The following MAT1A variants were observed in gnomAD, a reference collection of about 807,000 sequenced individuals.
The protein encoded by MAT1A is methionine adenosyltransferase 1A, also known as S-adenosylmethionine synthase isoform type-1.
Under a neutral mutation model 44.0 loss-of-function variants are expected in MAT1A, and 19 were observed. That is an observed-to-expected ratio of 0.43 (90% CI 0.30 to 0.63). The LOEUF is 0.63. Ranked by LOEUF, MAT1A falls within the 30% of genes least tolerant of loss-of-function variation. The pLI, the probability that MAT1A is intolerant of heterozygous loss-of-function variation, is 0.12. For synonymous variants in MAT1A, 205 were observed against 205.6 expected (o/e 1.00, Z 0.03); for missense variants, 397 against 531.0 (o/e 0.75, Z 2.48).
intron 5 of MAT1A, among the ~76,000 whole-genome samples, chr10:80,278,226 T>C (rs921099262): frequency 1.3e-5 from 2 of 152,206 alleles, no homozygotes; most frequent in Non-Finnish European, 2.9e-5. Context: ...AGACAATCCT[T>C]CAAAGGAAGG....
chr10:80,274,636 A>T lies in MAT1A; in HGVS notation c.969T>A (p.Gly323=). 1 of 1,614,172 alleles carries T rather than the reference A, an allele frequency of 6.2e-7. No individual in the cohort carries two copies. Among genetic ancestry groups the T allele is most frequent in the African/African-American group, 1.3e-5 (1 of 75,032 alleles). ...TGGAAATGGACAGCGGCTCGGCCAC[A>T]CCAATGGCATAGGAAACCTTCCAGC... ...RVLVQVSYAI[G]VAEPLSISIF... The change falls in exon 8 of 9, where the codon GGT becomes GGA. Residue 323 remains glycine (G), a synonymous_variant. Transcript: ENST00000372213.
intron 6 of MAT1A, among the ~76,000 whole-genome samples, chr10:80,276,109 T>C (rs766178939): frequency 7.9e-5 from 12 of 152,162 alleles, no homozygotes; most frequent in Non-Finnish European, 7.4e-5. Context: ...TCACTTGAGA[T>C]GGCAGGAGTG....
rs1413077353 is a variant in MAT1A at position 80,289,582 on chromosome 10, G to A, written c.-159C>T. On this transcript the variant is annotated 5_prime_UTR_variant, in exon 1 of 9. It adds an upstream start codon to the 5' untranslated region. Transcript: ENST00000372213. ...CTTCTGCCTAACTGCCTGTGAGCAC[G>A]TGAGAACAGGCGAGGACTGCTGAGA... 3 of 687,456 alleles carry A rather than the reference G, an allele frequency of 4.4e-6. No homozygotes were observed. Among genetic ancestry groups the A allele is most frequent in the East Asian group, 5.5e-5 (2 of 36,494 alleles). The allele number at this position is 687,456 out of a possible 1,614,324, so 42.6% of individuals were successfully genotyped here.
chr10:80,286,022 T>G (rs1301966335), intron 1 of MAT1A, among the ~76,000 whole-genome samples: 1 of 152,020 alleles, frequency 6.6e-6, no homozygotes, highest in Non-Finnish European at 1.5e-5. Flanking sequence ...AGAGATGGCG[T>G]TTCACCATGT....
rs1403545246 is a variant in MAT1A at position 80,273,274 on chromosome 10, C to G, written c.*507G>C. ...TCGCACATTACAGGTGCTTAGGAGA[C>G]ATCAGTCCTGCTCTAACCCCTGCCA... On this transcript the variant is annotated 3_prime_UTR_variant, in exon 9 of 9. Coordinates refer to ENST00000372213, the MANE Select transcript of MAT1A (RefSeq NM_000429.3). 4.9e-6 allele frequency: 1 copy of G among 204,988 alleles called. No individual in the cohort carries two copies. The highest frequency in any genetic ancestry group is 9.9e-6 in the Non-Finnish European group (1 of 100,680). 12.7% of individuals were successfully genotyped at this position (204,988 alleles called of 1,614,324 possible). A position where few individuals can be genotyped will look rare whatever the true frequency, so the allele number is the denominator to read the frequency against.
intron 3 of MAT1A, among the ~76,000 whole-genome samples, chr10:80,283,158 A>C (rs1223161923): frequency 6.6e-6 from 1 of 152,256 alleles, no homozygotes; most frequent in Admixed American, 6.5e-5. Flanking sequence ...CAGCATGGAC[A>C]AAGGGCCCCT....
chr10:80,274,185 G>A (rs187323808), intron 8 of MAT1A, among the ~76,000 whole-genome samples: 6 of 152,282 alleles, frequency 3.9e-5, no homozygotes, highest in East Asian at 1.9e-4. Context: ...CTCTAGAAAC[G>A]GAATAGACTT....
At chr10:80,275,286 G>A in intron 6 of MAT1A, 87 bp from the exon 7 acceptor site, 1 of 1,206,228 alleles carries the variant, frequency 8.3e-7, no homozygotes, top group Non-Finnish European at 1.2e-6. Flanking sequence ...CAGCTGAACT[G>A]CAACTCAGGA....
At chr10:80,276,680 T>C (rs747729608) in intron 5 of MAT1A, 86 bp from the exon 6 acceptor site, 33 of 1,365,060 alleles carry the variant, frequency 2.4e-5, no homozygotes, top group Non-Finnish European at 3.4e-5. Context: ...ACCCAGGAGG[T>C]GGGCAGGGCT....
At chr10:80,282,252 G>A (rs2132707328) in intron 3 of MAT1A, among the ~76,000 whole-genome samples, 1 of 152,216 alleles carries the variant, frequency 6.6e-6, no homozygotes. Flanking sequence ...AGGGGACCAA[G>A]AGGGGAGGTA....
Position 80,273,130 on chromosome 10 carries a change from G to A in MAT1A, c.*651C>T, listed in dbSNP as rs1262024655. On this transcript the variant is annotated 3_prime_UTR_variant, in exon 9 of 9. Transcript: ENST00000372213. Reference sequence around the variant, plus strand: ...TCTAAACACGTGGCTGTGGGACCCTGTGGAAGTTATCCAGACTCTCTGTGC... The same window carrying A: ...TCTAAACACGTGGCTGTGGGACCCTATGGAAGTTATCCAGACTCTCTGTGC... The A allele has an allele frequency of 1.3e-5, 2 of 153,704 alleles. No individual in the cohort carries two copies. The highest frequency in any genetic ancestry group is 1.4e-5 in the Non-Finnish European group (1 of 69,128). 9.5% of individuals were successfully genotyped at this position (153,704 alleles called of 1,614,324 possible).
chr10:80,289,515 T>TCTTC lies in MAT1A; in HGVS notation c.-93_-92insGAAG. Reference sequence around the variant, plus strand: ...TTTTTTTTCTTCTTCTTCTTCTTCTTTCAACCCAACAGGCTTGTCTTTGGC... The same window carrying TCTTC: ...TTTTTTTTCTTCTTCTTCTTCTTCTTCTTCTCAACCCAACAGGCTTGTCTTTGGC... On this transcript the variant is annotated 5_prime_UTR_variant, in exon 1 of 9. Transcript: ENST00000372213. The TCTTC allele has an allele frequency of 2.3e-5, 24 of 1,024,052 alleles. No homozygotes were observed. Among genetic ancestry groups the TCTTC allele is most frequent in the Middle Eastern group, 2.0e-4 (1 of 4,972 alleles). 63.4% of individuals were successfully genotyped at this position (1,024,052 alleles called of 1,614,324 possible).
chr10:80,283,474 C>T (rs1354009161), intron 3 of MAT1A, among the ~76,000 whole-genome samples: 5 of 152,270 alleles, frequency 3.3e-5, no homozygotes, highest in Admixed American at 6.5e-5. Flanking sequence ...AGCCTAGTGG[C>T]TGCTTACCCT....
In MAT1A at chr10:80,289,335, G is replaced by A. The variant is rs1295088064; in HGVS notation, c.89C>T (p.Pro30Leu). 4 of 1,613,654 alleles carry A rather than the reference G, an allele frequency of 2.5e-6. No individual in the cohort carries two copies. The highest frequency in any genetic ancestry group is 1.1e-5 in the South Asian group (1 of 91,072). The stretch of plus-strand genomic sequence containing the variant: ...TCAGTCCAAGACAGCCTACTTACCC[G>A]GGTGTCCCTCTCCCACAGACTCCGA... ...FTSESVGEGH[P>L]DKICDQISDA... is the part of the protein sequence containing the mutation. Residue 30 changes from proline (P) to leucine (L), a missense_variant and splice_region_variant, in exon 1 of 9, where the codon CCG becomes CTG. Transcript: ENST00000372213.
chr10:80,281,707 A>G (rs1233317759), intron 3 of MAT1A, among the ~76,000 whole-genome samples: 1 of 152,288 alleles, frequency 6.6e-6, no homozygotes, highest in Non-Finnish European at 1.5e-5. Context: ...GAGAAAACAC[A>G]CAGATCCAAG....
chr10:80,281,190 A>G (rs1166158700), intron 3 of MAT1A, among the ~76,000 whole-genome samples: 1 of 152,154 alleles, frequency 6.6e-6, no homozygotes, highest in Non-Finnish European at 1.5e-5. Context: ...TAGTTTGAGC[A>G]TCACTGCACT....
intron 8 of MAT1A, among the ~76,000 whole-genome samples, 190 bp from the exon 9 acceptor site, chr10:80,274,073 G>A (rs760218640): frequency 1.4e-4 from 21 of 152,220 alleles, no homozygotes; most frequent in Non-Finnish European, 2.5e-4. Flanking sequence ...ATAGCCCCAC[G>A]GATGCTTAGA....
chr10:80,276,961 G>A (rs1841497186), intron 5 of MAT1A, among the ~76,000 whole-genome samples: 1 of 152,192 alleles, frequency 6.6e-6, no homozygotes, highest in Non-Finnish European at 1.5e-5. Context: ...CTATAGCCCA[G>A]GAGGTATCTC....
rs1278041188 is a variant in MAT1A at position 80,272,393 on chromosome 10, GGACTGCTCAGGCCCCTT to G, written c.*1371_*1387del. 2.0e-5 allele frequency: 3 copies of G among 152,364 alleles called. No individual in the cohort carries two copies. Among genetic ancestry groups the G allele is most frequent in the African/African-American group, 7.2e-5 (3 of 41,422 alleles). 9.4% of individuals were successfully genotyped at this position (152,364 alleles called of 1,614,324 possible). A position where few individuals can be genotyped will look rare whatever the true frequency, so the allele number is the denominator to read the frequency against. On this transcript the variant is annotated 3_prime_UTR_variant, in exon 9 of 9. Coordinates refer to ENST00000372213, the MANE Select transcript of MAT1A (RefSeq NM_000429.3). ...AAGTTCCAAGACCTTAGCAGGCCAA[GGACTGCTCAGGCCCCTT>G]GGGAGCAGACCCGCTCCCCAGACAG...
Sources: gnomAD v4.1 joint callset for allele counts (sites outside exome capture counted in the v4.1 genomes callset) on GRCh38, gnomAD v4.1.1 for gene constraint, MANE v1.5 for transcripts, NCBI Gene and HGNC (gene_info 2026-07-23, HGNC 2026-07-21) for gene names.